C1orf159: variants seen among roughly 807,000 people sequenced by gnomAD.
C1orf159 encodes the protein chromosome 1 open reading frame 159, also known as uncharacterized protein C1orf159.
Under a neutral mutation model 25.6 loss-of-function variants are expected in C1orf159, and 19 were observed. The observed-to-expected ratio is 0.74, with a 90% CI of 0.52 to 1.09. The LOEUF (loss-of-function observed/expected upper bound fraction) is 1.09. Among genes scored for constraint, C1orf159 ranks in the 50% least tolerant of loss-of-function variants. C1orf159 has a pLI of 0.00. For missense variants in C1orf159, 274 were observed against 290.6 expected, an observed-to-expected ratio of 0.94 and a Z score of 0.42; for synonymous variants, 139 against 124.7, an observed-to-expected ratio of 1.12 and a Z score of -0.77.
In C1orf159 at chr1:1,084,365, G is replaced by A; in HGVS notation, c.490C>T (p.Pro164Ser). The change falls in exon 9 of 10, where the codon CCA (proline) becomes TCA (serine). Residue 164 changes from proline to serine, a missense_variant. By Grantham distance (74) the Pro-to-Ser change is moderately conservative (BLOSUM62 -1). Transcript: ENST00000421241. Reference protein sequence around the residue: ...PGEAAAMIPPPQSSVRKPRYV... With the variant: ...PGEAAAMIPPSQSSVRKPRYV... ...CAGCTGCTGTTACCTGAGGACTGTG[G>A]CGGGGGGATCATTGCAGCCTTGAAA... 2 of 1,564,296 alleles carry A rather than the reference G, an allele frequency of 1.3e-6. No individual in the cohort carries two copies. Among genetic ancestry groups the A allele is most frequent in the South Asian group, 1.2e-5 (1 of 85,472 alleles).
At chr1:1,112,267 C>T (rs748726815) in intron 1 of C1orf159, among the ~76,000 whole-genome samples, 3 of 152,212 alleles carry the variant, frequency 2.0e-5, no homozygotes, top group Non-Finnish European at 4.4e-5. Context: ...TTGGCTCAAG[C>T]GTGTGCACTG....
At chr1:1,103,601 G>A (rs527454741) in intron 1 of C1orf159, among the ~76,000 whole-genome samples, 16 of 146,762 alleles carry the variant, frequency 1.1e-4, no homozygotes, top group South Asian at 2.1e-4. Flanking sequence ...AGAAACGAGC[G>A]GCATCTATAC....
intron 3 of C1orf159, chr1:1,091,103 G>A (rs1288561705): frequency 1.2e-6 from 1 of 818,954 alleles, no homozygotes; most frequent in Non-Finnish European, 1.9e-6. Context: ...ACAGTGAGGG[G>A]TCCCCACCCT....
intron 1 of C1orf159, among the ~76,000 whole-genome samples, chr1:1,100,770 G>C (rs1646090012): frequency 6.6e-6 from 1 of 151,830 alleles, no homozygotes; most frequent in East Asian, 1.9e-4. Flanking sequence ...TCTCATAGTT[G>C]TTGCTCTAGG....
rs1275931441 is a variant in C1orf159 at position 1,087,621 on chromosome 1, T to C, written c.149-24A>G. The C allele has an allele frequency of 9.9e-6, 15 of 1,515,766 alleles. No individual in the cohort carries two copies. The highest frequency in any genetic ancestry group is 1.2e-5 in the Non-Finnish European group (14 of 1,129,136). 93.9% of individuals were successfully genotyped at this position (1,515,766 alleles called of 1,614,324 possible). ...GCCTGCGTGGGGCAGAGGACGGGCA[T>C]GTCAGCCAAAGCAAAATCCACACCA... On this transcript the variant is annotated intron_variant, in intron 4 of 9. Transcript: ENST00000421241. This position sits in a 1 kb window ranked among gnomAD's most constrained non-coding sequence, Gnocchi z 8.3.
Position 1,083,845 on chromosome 1 carries a change from T to C in C1orf159, c.502+508A>G, listed in dbSNP as rs1645783119. On this transcript the variant is annotated intron_variant, in intron 9 of 9. Coordinates refer to ENST00000421241, the MANE Select transcript of C1orf159 (RefSeq NM_017891.5). ...GCCGGGTGAGCCCTGCTCATGGCCTTGGAGCTGTGTGGCTGTGCGCCGGTC... is the reference window on the plus strand; with the variant it reads ...GCCGGGTGAGCCCTGCTCATGGCCTCGGAGCTGTGTGGCTGTGCGCCGGTC... 2.2e-6 allele frequency: 3 copies of C among 1,390,620 alleles called. No homozygotes were observed. In the Admixed American group the frequency reaches 6.0e-5, roughly 28 times the overall value. The allele number at this position is 1,390,620 out of a possible 1,614,324, so 86.1% of individuals were successfully genotyped here. A position where few individuals can be genotyped will look rare whatever the true frequency, so the allele number is the denominator to read the frequency against.
Position 1,091,505 on chromosome 1 carries a change from G to T in C1orf159, c.39C>A (p.Leu13=). The change falls in exon 3 of 10, where the codon CTC becomes CTA. Residue 13 remains leucine, a synonymous_variant. Coordinates refer to ENST00000421241, the MANE Select transcript of C1orf159 (RefSeq NM_017891.5). ...LRHLALLAGL[L]VGVASKSMEN... ...CCATGGACTTGCTGGCGACTCCCAC[G>T]AGAAGGCCAGCCAGGAGGGCGAGGT... 1 of 1,550,228 alleles carries T rather than the reference G, an allele frequency of 6.5e-7. No homozygotes were observed. Among genetic ancestry groups the T allele is most frequent in the South Asian group, 1.2e-5 (1 of 84,036 alleles).
intron 1 of C1orf159, among the ~76,000 whole-genome samples, chr1:1,101,870 G>C (rs887683514): frequency 6.6e-6 from 1 of 151,824 alleles, no homozygotes; most frequent in Admixed American, 6.6e-5. Context: ...TCAGGAGTTC[G>C]AGACTAGCCT....
intron 3 of C1orf159, chr1:1,091,096 G>T: frequency 1.1e-6 from 1 of 891,258 alleles, no homozygotes; most frequent in Non-Finnish European, 1.7e-6. Context: ...AGCCAGGACA[G>T]TGAGGGGTCC....
chr1:1,086,930 A>G (rs1645841144), intron 6 of C1orf159, among the ~76,000 whole-genome samples: 1 of 152,146 alleles, frequency 6.6e-6, no homozygotes, highest in Non-Finnish European at 1.5e-5. Context: ...ACGGCCCTTT[A>G]GAGATGTGGC....
At chr1:1,098,279 C>A (rs1364956484) in intron 1 of C1orf159, among the ~76,000 whole-genome samples, 1 of 152,004 alleles carries the variant, frequency 6.6e-6, no homozygotes, top group Non-Finnish European at 1.5e-5. Flanking sequence ...CCATGCTGGC[C>A]AGGATAGTCT....
rs1645824607 is a variant in C1orf159, at chr1:1,086,031, G to A, written c.311-19C>T. 6.2e-7 allele frequency: 1 copy of A among 1,611,858 alleles called. No individual in the cohort carries two copies. Among genetic ancestry groups the A allele is most frequent in the African/African-American group, 1.3e-5 (1 of 74,936 alleles). On this transcript the variant is annotated intron_variant, in intron 6 of 9. Coordinates refer to ENST00000421241, the MANE Select transcript of C1orf159 (RefSeq NM_017891.5). Reference sequence around the variant, plus strand: ...GGAGCCCCTGCAAACAGACACCGCTGAGCAGACGGGCAGGACGGTGGCCCT... The same window carrying A: ...GGAGCCCCTGCAAACAGACACCGCTAAGCAGACGGGCAGGACGGTGGCCCT...
intron 1 of C1orf159, among the ~76,000 whole-genome samples, chr1:1,113,614 T>G (rs1033509957): frequency 1.3e-5 from 2 of 152,100 alleles, no homozygotes; most frequent in East Asian, 3.9e-4. Context: ...TCAGAAGAGT[T>G]TGATGGACGG....
rs1047608436 is a variant in C1orf159 at position 1,082,569 on chromosome 1, C to A, written c.*324G>T. 5.1e-6 allele frequency: 2 copies of A among 392,856 alleles called. No homozygotes were observed. The highest frequency in any genetic ancestry group is 4.7e-6 in the Non-Finnish European group (1 of 210,608). 24.3% of individuals were successfully genotyped at this position (392,856 alleles called of 1,614,324 possible). ...GCAGAGCGGCACCTGCCCCATAGAT[C>A]GTGCCAGCTTTGGCTGCAGGCGCTG... is the stretch of plus-strand genomic sequence containing the variant. On this transcript the variant is annotated 3_prime_UTR_variant, in exon 10 of 10. Coordinates refer to ENST00000421241, the MANE Select transcript of C1orf159 (RefSeq NM_017891.5).
rs56804601 is a variant in C1orf159, at chr1:1,100,150, T to C, written c.-135-8047A>G. ...CAGACACACACACCACAGTGCATCT[T>C]TTGTAGACAGCATGTAGTAAATCTT... On this transcript the variant is annotated intron_variant, in intron 1 of 9. Transcript: ENST00000421241. Among the ~76,000 whole-genome samples, 76 of 152,328 alleles carry C rather than the reference T, an allele frequency of 5.0e-4. 4 individuals carry two copies. In the East Asian group the frequency reaches 0.014, roughly 29 times the overall value.
At position 1,092,111 on chromosome 1, in the gene C1orf159, T is replaced by C. The variant is rs1304137359; in HGVS notation, c.-135-8A>G. ...GCAGACCCCGGCCCAGTCCTGCAGATGAAGACAGCAGGTGAGGCCGTGGTC... is the reference window on the plus strand; with the variant it reads ...GCAGACCCCGGCCCAGTCCTGCAGACGAAGACAGCAGGTGAGGCCGTGGTC... On this transcript the variant is annotated splice_region_variant and splice_polypyrimidine_tract_variant and intron_variant, in intron 1 of 9. Transcript: ENST00000421241. The C allele has an allele frequency of 4.9e-6, 2 of 411,328 alleles. No homozygotes were observed. The highest frequency in any genetic ancestry group is 4.9e-6 in the Non-Finnish European group (1 of 204,642). 25.5% of individuals were successfully genotyped at this position (411,328 alleles called of 1,614,324 possible). A position where few individuals can be genotyped will look rare whatever the true frequency, so the allele number is the denominator to read the frequency against.
chr1:1,086,116 T>C, intron 6 of C1orf159, 104 bp from the exon 7 acceptor site: 4 of 1,395,154 alleles, frequency 2.9e-6, no homozygotes, highest in Admixed American at 2.0e-5. Flanking sequence ...TCTCTGAACA[T>C]GCCTGAGCCT....
chr1:1,082,852 G>T lies in C1orf159; in HGVS notation c.*41C>A. 1 of 1,526,344 alleles carries T rather than the reference G, an allele frequency of 6.6e-7. No individual in the cohort carries two copies. Among genetic ancestry groups the T allele is most frequent in the Non-Finnish European group, 8.9e-7 (1 of 1,123,138 alleles). The allele number at this position is 1,526,344 out of a possible 1,614,324, so 94.6% of individuals were successfully genotyped here. ...TTCCCGCCAAGGGGTCGGCCTCCGG[G>T]TCCCTGCCGCCAAGTGCGTGGCGTG... is the stretch of plus-strand genomic sequence containing the variant. On this transcript the variant is annotated 3_prime_UTR_variant, in exon 10 of 10. Transcript: ENST00000421241.
intron 1 of C1orf159, among the ~76,000 whole-genome samples, chr1:1,103,709 G>A (rs1361863091): frequency 6.6e-6 from 1 of 152,206 alleles, no homozygotes; most frequent in African/African-American, 2.4e-5. Flanking sequence ...CCTGGAACAA[G>A]GAAGATAGCG....
Sources: gnomAD v4.1 joint callset for allele counts (sites outside exome capture counted in the v4.1 genomes callset) on GRCh38, gnomAD v4.1.1 for gene constraint, Gnocchi (gnomAD v3.1) non-coding constraint, MANE v1.5 for transcripts, NCBI Gene and HGNC (gene_info 2026-07-23, HGNC 2026-07-21) for gene names.